Variants in RBFOX1 observed in about 807,000 individuals in gnomAD.
RBFOX1 encodes the protein RNA binding fox-1 homolog 1, also known as RNA binding protein fox-1 homolog 1.
In RBFOX1, 8 loss-of-function variants were observed where a neutral mutation model predicts 57.7. The ratio of observed to expected loss-of-function variants is 0.14; its 90% CI spans 0.08 to 0.25. The LOEUF (loss-of-function observed/expected upper bound fraction) is 0.25. Among genes scored for constraint, RBFOX1 ranks in the 10% least tolerant of loss-of-function variants. RBFOX1 has a pLI of 1.00. For missense variants in RBFOX1, 611 were observed against 548.5 expected (o/e 1.11, Z -1.14); for synonymous variants, 326 against 222.4 (o/e 1.47, Z -4.15).
At chr16:6,424,987 A>G (rs1207220338) in intron 2 of RBFOX1, among the ~76,000 whole-genome samples, 1 of 152,226 alleles carries the variant, frequency 6.6e-6, no homozygotes, top group African/African-American at 2.4e-5. Flanking sequence ...AAAATACTCT[A>G]CAATATTATT....
intron 1 of RBFOX1, among the ~76,000 whole-genome samples, chr16:6,121,514 C>T (rs1352944381): frequency 6.6e-6 from 1 of 152,220 alleles, no homozygotes; most frequent in Non-Finnish European, 1.5e-5. Context: ...AGGAATGATC[C>T]AGCCACATTA....
intron 2 of RBFOX1, among the ~76,000 whole-genome samples, chr16:6,586,303 A>G (rs1190535549): frequency 1.3e-5 from 2 of 152,228 alleles, no homozygotes; most frequent in Non-Finnish European, 2.9e-5. Flanking sequence ...TATATTGTGC[A>G]TAGATGACAG....
intron 4 of RBFOX1, among the ~76,000 whole-genome samples, chr16:7,238,354 A>C: frequency 7.0e-6 from 1 of 142,204 alleles, no homozygotes; most frequent in Admixed American, 6.9e-5. Context: ...AATAAAATAA[A>C]AATTAAAAGA....
At chr16:6,312,103 A>G (rs1368475934) in intron 1 of RBFOX1, among the ~76,000 whole-genome samples, 1 of 152,160 alleles carries the variant, frequency 6.6e-6, no homozygotes, top group Non-Finnish European at 1.5e-5. Context: ...TAGGTGAGGC[A>G]CCACCCTCTG....
At chr16:5,593,717 T>A (rs948332234) in intron 2 of RBFOX1, among the ~76,000 whole-genome samples, 3 of 152,152 alleles carry the variant, frequency 2.0e-5, no homozygotes, top group African/African-American at 7.2e-5. Flanking sequence ...TATCAAGAAA[T>A]AACCATAAAA....
chr16:7,400,979 G>A, intron 4 of RBFOX1, among the ~76,000 whole-genome samples: 1 of 152,086 alleles, frequency 6.6e-6, no homozygotes. Flanking sequence ...TGCCAACCTT[G>A]GAACCCCGCA....
chr16:6,522,923 C>G (rs909716286), intron 2 of RBFOX1, among the ~76,000 whole-genome samples: 1 of 152,106 alleles, frequency 6.6e-6, no homozygotes, highest in African/African-American at 2.4e-5. Context: ...GACTCGGGGA[C>G]TTCGCTTTAC....
chr16:7,013,545 A>C (rs2093754193), intron 3 of RBFOX1, among the ~76,000 whole-genome samples: 1 of 152,214 alleles, frequency 6.6e-6, no homozygotes. Context: ...CTGTATCAAA[A>C]TGTTAGCAGT....
At chr16:6,831,495 C>G (rs1028494857) in intron 3 of RBFOX1, among the ~76,000 whole-genome samples, 1 of 152,132 alleles carries the variant, frequency 6.6e-6, no homozygotes, top group Admixed American at 6.6e-5. Flanking sequence ...ATTTACTTAG[C>G]CTAATATATT....
At chr16:6,392,201 C>A (rs776075446) in intron 2 of RBFOX1, among the ~76,000 whole-genome samples, 2 of 152,320 alleles carry the variant, frequency 1.3e-5, no homozygotes, top group East Asian at 1.9e-4. Context: ...CGTGGCCCAA[C>A]GTAGCCTTTT....
At chr16:6,919,419 A>C (rs1271962349) in intron 3 of RBFOX1, among the ~76,000 whole-genome samples, 3 of 150,522 alleles carry the variant, frequency 2.0e-5, no homozygotes, top group Non-Finnish European at 4.4e-5. Flanking sequence ...CAAAAAATAA[A>C]ATAAAGCTCC....
intron 2 of RBFOX1, among the ~76,000 whole-genome samples, chr16:5,490,866 A>C: frequency 6.6e-6 from 1 of 152,122 alleles, no homozygotes; most frequent in South Asian, 2.1e-4. Context: ...TTAATCTCTT[A>C]ACAACAAGGA....
At chr16:6,622,500 C>T (rs2098247626) in intron 2 of RBFOX1, among the ~76,000 whole-genome samples, 1 of 151,994 alleles carries the variant, frequency 6.6e-6, no homozygotes, top group African/African-American at 2.4e-5. Context: ...TAGGCTACAC[C>T]ATCTAGGTTT....
At chr16:6,712,908 T>TCC (rs1491332926) in intron 3 of RBFOX1, among the ~76,000 whole-genome samples, 2 of 84,020 alleles carry the variant, frequency 2.4e-5, no homozygotes, top group Non-Finnish European at 5.5e-5. Flanking sequence ...TTTTTTTTTT[T>TCC]CCTGTGCTGT....
chr16:5,954,551 G>A (rs1342554898), intron 4 of RBFOX1, among the ~76,000 whole-genome samples: 2 of 152,144 alleles, frequency 1.3e-5, no homozygotes, highest in Non-Finnish European at 2.9e-5. Flanking sequence ...CTTAATTAAA[G>A]TGGTTTATGA....
chr16:7,416,494 G>C (rs1320549078), intron 4 of RBFOX1, among the ~76,000 whole-genome samples: 1 of 152,196 alleles, frequency 6.6e-6, no homozygotes, highest in African/African-American at 2.4e-5. Flanking sequence ...TACATGGTGT[G>C]CTGGGAGGGG....
At position 5,397,224 on chromosome 16, in the gene RBFOX1, G is replaced by A. The variant is rs1014027496; in HGVS notation, c.220-69992G>A. On this transcript the variant is annotated intron_variant, in intron 1 of 2. Coordinates refer to the RBFOX1 transcript ENST00000585867. ...TAGAGAAACGTGGAGGAGGCTGAAA[G>A]GCTTCTCTAAAGGGATTTTCCCCCT... is the stretch of plus-strand genomic sequence containing the variant. 6.6e-5 allele frequency among the ~76,000 whole-genome samples: 10 copies of A among 152,216 alleles called. No homozygotes were observed. The East Asian group carries it at 1.9e-3, about 29-fold the overall frequency.
At chr16:7,499,869 T>G (rs766052731) in intron 4 of RBFOX1, among the ~76,000 whole-genome samples, 1 of 151,876 alleles carries the variant, frequency 6.6e-6, no homozygotes, top group Non-Finnish European at 1.5e-5. Flanking sequence ...GCCAGACTTC[T>G]ACACTGTGAG....
At chr16:6,374,234 C>T (rs956580305) in intron 2 of RBFOX1, among the ~76,000 whole-genome samples, 1 of 152,122 alleles carries the variant, frequency 6.6e-6, no homozygotes, top group Non-Finnish European at 1.5e-5. Context: ...CATTGTTTAG[C>T]CTTGTAATTA....
Sources: gnomAD v4.1 joint callset for allele counts (sites outside exome capture counted in the v4.1 genomes callset) on GRCh38, gnomAD v4.1.1 for gene constraint, MANE v1.5 for transcripts, NCBI Gene and HGNC (gene_info 2026-07-23, HGNC 2026-07-21) for gene names.